Variants in TENM1 observed in about 807,000 individuals in gnomAD.
The protein encoded by TENM1 is teneurin-1.
In TENM1, 35 loss-of-function variants were observed where a neutral mutation model predicts 174.8. The ratio of observed to expected loss-of-function variants is 0.20; its 90% CI spans 0.15 to 0.27. The LOEUF (loss-of-function observed/expected upper bound fraction) is 0.27. Ranked by LOEUF, TENM1 falls within the 10% of genes least tolerant of loss-of-function variation. The pLI, the probability that TENM1 is intolerant of heterozygous loss-of-function variation, is 1.00. For synonymous variants in TENM1, 781 were observed against 798.7 expected, an observed-to-expected ratio of 0.98 and a Z score of 0.37; for missense variants, 1,633 against 2,130.1, an observed-to-expected ratio of 0.77 and a Z score of 4.59.
At chrX:124,946,403 G>A (rs745453835) in intron 1 of TENM1, among the ~76,000 whole-genome samples, 5 of 111,614 alleles carry the variant, frequency 4.5e-5, no homozygotes, top group African/African-American at 6.5e-5. Flanking sequence ...GATATTAACC[G>A]TATGAAAGAG....
chrX:124,661,293 A>G (rs1487335995), intron 6 of TENM1, among the ~76,000 whole-genome samples: 1 of 112,149 alleles, frequency 8.9e-6, no homozygotes, highest in Non-Finnish European at 1.9e-5. Flanking sequence ...CGCACTTTAA[A>G]TTAGTGCACA....
chrX:125,050,611 G>T, the TENM1 span, among the ~76,000 whole-genome samples: 1 of 111,578 alleles, frequency 9.0e-6, no homozygotes, highest in Non-Finnish European at 1.9e-5. Context: ...GAATAGTGCT[G>T]CAATAAACAT....
intron 22 of TENM1, among the ~76,000 whole-genome samples, chrX:124,474,391 C>T (rs2061365611): frequency 9.0e-6 from 1 of 111,214 alleles, no homozygotes; most frequent in Admixed American, 9.6e-5. Context: ...TGGGATTTGC[C>T]TCCATTTCTG....
At chrX:124,955,261 C>T (rs2058553064) in intron 1 of TENM1, among the ~76,000 whole-genome samples, 1 of 111,075 alleles carries the variant, frequency 9.0e-6, no homozygotes, top group Non-Finnish European at 1.9e-5. Flanking sequence ...TTTTTAAATG[C>T]CTGAGTCCCG....
the TENM1 span, among the ~76,000 whole-genome samples, chrX:125,016,346 A>G: frequency 9.0e-6 from 1 of 111,613 alleles, no homozygotes; most frequent in South Asian, 3.8e-4. Context: ...CCTTAAGTTG[A>G]TAAGCAACTT....
At chrX:124,382,059 T>G (rs2147570927) in intron 31 of TENM1, among the ~76,000 whole-genome samples, 1 of 111,554 alleles carries the variant, frequency 9.0e-6, no homozygotes, top group South Asian at 3.8e-4. Context: ...AAGCCCATTT[T>G]GTTTTCGCAA....
the TENM1 span, among the ~76,000 whole-genome samples, chrX:125,094,628 T>C: frequency 8.9e-6 from 1 of 112,132 alleles, no homozygotes; most frequent in Non-Finnish European, 1.9e-5. Flanking sequence ...CTTGTCCTAC[T>C]TACAAGATGC....
chrX:124,554,115 C>G (rs1163187979), intron 14 of TENM1, among the ~76,000 whole-genome samples: 1 of 110,812 alleles, frequency 9.0e-6, no homozygotes, highest in Non-Finnish European at 1.9e-5. Flanking sequence ...TCCTCCCCCC[C>G]AAAAAATGAA....
At chrX:124,860,237 G>A (rs760619887) in intron 3 of TENM1, among the ~76,000 whole-genome samples, 1 of 112,225 alleles carries the variant, frequency 8.9e-6, no homozygotes, top group Non-Finnish European at 1.9e-5. Context: ...CCCCATGTAT[G>A]TAATGAGAGA....
chrX:124,449,609 T>C lies in TENM1; in HGVS notation c.4104+3728A>G, dbSNP rs190144595. ...CATCTTCTCTGTCCCTCCTCCTCCA[T>C]ACAAATACATTCACACCCTTCTTTA... On this transcript the variant is annotated intron_variant, in intron 23 of 31. Coordinates refer to ENST00000422452, the Ensembl canonical transcript of TENM1. Among the ~76,000 whole-genome samples the C allele has an allele frequency of 2.7e-5, 3 of 112,128 alleles. No homozygotes were observed. The East Asian group carries it at 8.5e-4, about 32-fold the overall frequency.
intron 6 of TENM1, among the ~76,000 whole-genome samples, chrX:124,656,775 C>T (rs1479475669): frequency 9.0e-6 from 1 of 111,496 alleles, no homozygotes; most frequent in Non-Finnish European, 1.9e-5. Flanking sequence ...AAAGGTGTGG[C>T]AAACTAAAGA....
intron 1 of TENM1, among the ~76,000 whole-genome samples, chrX:124,929,630 T>C (rs2058140321): frequency 8.9e-6 from 1 of 112,148 alleles, no homozygotes; most frequent in South Asian, 3.7e-4. Context: ...TTTTCCACTG[T>C]CAAAATACAG....
chrX:124,699,400 G>A (rs1286776379), intron 5 of TENM1, among the ~76,000 whole-genome samples: 1 of 110,939 alleles, frequency 9.0e-6, no homozygotes, highest in Non-Finnish European at 1.9e-5. Context: ...GGCTAAGAAA[G>A]TACTGTATGA....
At chrX:124,491,829 T>C (rs1267887114) in intron 20 of TENM1, among the ~76,000 whole-genome samples, 1 of 111,643 alleles carries the variant, frequency 9.0e-6, no homozygotes, top group Non-Finnish European at 1.9e-5. Context: ...ATCTTTAAAC[T>C]GCCAAGGGAC....
At chrX:125,058,772 T>C in the TENM1 span, among the ~76,000 whole-genome samples, 4 of 110,519 alleles carry the variant, frequency 3.6e-5, no homozygotes, top group Admixed American at 3.9e-4. Context: ...TGGAATGGGG[T>C]GGGGGTAAGT....
intron 23 of TENM1, among the ~76,000 whole-genome samples, chrX:124,425,658 A>T (rs1168039551): frequency 2.7e-5 from 3 of 112,504 alleles, no homozygotes; most frequent in East Asian, 5.5e-4. Flanking sequence ...TAAATTACCC[A>T]GTCTGTGATA....
At chrX:124,755,955 C>T (rs1271260853) in intron 3 of TENM1, among the ~76,000 whole-genome samples, 2 of 101,183 alleles carry the variant, frequency 2.0e-5, no homozygotes, top group South Asian at 4.4e-4. Flanking sequence ...GTGAATCTGA[C>T]GATTATGTGT....
chrX:124,650,217 A>G (rs962618122), intron 8 of TENM1, among the ~76,000 whole-genome samples: 2 of 108,322 alleles, frequency 1.8e-5, no homozygotes, highest in Non-Finnish European at 3.8e-5. Flanking sequence ...AAAAAAAAAA[A>G]AAAAAAAAAA....
At chrX:124,598,446 T>C (rs1005503332) in intron 11 of TENM1, among the ~76,000 whole-genome samples, 2 of 111,800 alleles carry the variant, frequency 1.8e-5, no homozygotes, top group African/African-American at 6.5e-5. Flanking sequence ...CCTATGTTTG[T>C]TGCAGCACTG....
Sources: gnomAD v4.1 joint callset for allele counts (sites outside exome capture counted in the v4.1 genomes callset) on GRCh38, gnomAD v4.1.1 for gene constraint, MANE v1.5 for transcripts, NCBI Gene and HGNC (gene_info 2026-07-23, HGNC 2026-07-21) for gene names.